Variants in ME3 observed in about 807,000 individuals in gnomAD.
ME3 encodes the protein malic enzyme 3.
Under a neutral mutation model 68.9 loss-of-function variants are expected in ME3, and 48 were observed. That is an observed-to-expected ratio of 0.70 (90% confidence interval 0.55 to 0.89). ME3 has a LOEUF of 0.89. ME3 is among the 40% of genes least tolerant of loss of function. The pLI, the probability that ME3 is intolerant of heterozygous loss-of-function variation, is 0.00. For synonymous variants in ME3, 320 were observed against 318.8 expected (o/e 1.00, Z -0.04); for missense variants, 675 against 797.4 (o/e 0.85, Z 1.85).
chr11:86,489,898 G>A (rs1055798100), intron 6 of ME3, among the ~76,000 whole-genome samples: 7 of 151,908 alleles, frequency 4.6e-5, no homozygotes, highest in African/African-American at 9.7e-5. Flanking sequence ...AGGTCTCATC[G>A]TTTCCCCCAT....
chr11:86,521,402 AAC>A lies in ME3; in HGVS notation c.468-12537_468-12536del, dbSNP rs1491074354. Among the ~76,000 whole-genome samples the A allele has an allele frequency of 2.4e-4, 24 of 100,740 alleles. 1 individual carries two copies. Among genetic ancestry groups the A allele is most frequent in the African/African-American group, 9.7e-4 (21 of 21,674 alleles). 66.1% of individuals were successfully genotyped at this position (100,740 alleles called of 152,430 possible). A position where few individuals can be genotyped will look rare whatever the true frequency, so the allele number is the denominator to read the frequency against. ...AGAGCGAGACTCCATCTCAAAAACA[AAC>A]AAACAAAACAAAACAAAACAAAACA... On this transcript the variant is annotated intron_variant, in intron 4 of 14. Transcript: ENST00000543262.
intron 2 of ME3, among the ~76,000 whole-genome samples, chr11:86,564,997 A>C (rs1957410001): frequency 6.6e-6 from 1 of 152,236 alleles, no homozygotes. Flanking sequence ...CAGCACAACA[A>C]AAAGAAATAT....
chr11:86,527,917 A>G (rs923530154), intron 4 of ME3, among the ~76,000 whole-genome samples: 23 of 152,350 alleles, frequency 1.5e-4, no homozygotes, highest in African/African-American at 5.0e-4. Context: ...AAATGTAGAG[A>G]CCATCGAGGC....
At chr11:86,662,080 C>G (rs1325079327) in intron 2 of ME3, among the ~76,000 whole-genome samples, 1 of 152,120 alleles carries the variant, frequency 6.6e-6, no homozygotes, top group Non-Finnish European at 1.5e-5. Flanking sequence ...GTGAAAAAAG[C>G]TAATCAGAAG....
intron 2 of ME3, among the ~76,000 whole-genome samples, chr11:86,657,535 G>T (rs1176694209): frequency 6.6e-6 from 1 of 152,020 alleles, no homozygotes; most frequent in Admixed American, 6.6e-5. Context: ...TGGGTTGATG[G>T]GTGCAGGAAA....
chr11:86,448,237 G>T, exon 11 of ME3: 1 of 1,614,066 alleles, frequency 6.2e-7, no homozygotes, highest in Non-Finnish European at 8.5e-7. Context: ...TCCTTTTCAT[G>T]GTTCAGGTGG....
chr11:86,557,441 C>T (rs1956989098), intron 3 of ME3, among the ~76,000 whole-genome samples: 1 of 152,116 alleles, frequency 6.6e-6, no homozygotes. Flanking sequence ...GGGGAGAATA[C>T]CAAGGTACTT....
chr11:86,610,577 C>T (rs979384356), intron 2 of ME3, among the ~76,000 whole-genome samples: 2 of 152,120 alleles, frequency 1.3e-5, no homozygotes, highest in African/African-American at 2.4e-5. Context: ...GGAAGCCCAG[C>T]CTGAGCGACT....
chr11:86,580,434 T>C (rs1958375028), intron 2 of ME3, among the ~76,000 whole-genome samples: 1 of 152,350 alleles, frequency 6.6e-6, no homozygotes, highest in East Asian at 1.9e-4. Context: ...TCTAAATTAA[T>C]GCTGATTGAC....
intron 2 of ME3, among the ~76,000 whole-genome samples, chr11:86,601,280 A>G (rs1295300516): frequency 2.0e-5 from 3 of 152,304 alleles, no homozygotes; most frequent in East Asian, 3.9e-4. Flanking sequence ...TATCACCACC[A>G]ATCCCACAGA....
At chr11:86,465,197 A>G in exon 8 of ME3, 1 of 1,611,200 alleles carries the variant, frequency 6.2e-7, no homozygotes, top group Non-Finnish European at 8.5e-7. Flanking sequence ...AATTTATTCC[A>G]AACCTGTGTG....
chr11:86,605,052 C>A (rs1360524110), intron 2 of ME3, among the ~76,000 whole-genome samples: 6 of 152,146 alleles, frequency 3.9e-5, no homozygotes, highest in Admixed American at 2.0e-4. Context: ...CTTTCTGTCT[C>A]TATAGATTTC....
At chr11:86,621,395 A>G (rs919926109) in intron 2 of ME3, among the ~76,000 whole-genome samples, 4 of 150,698 alleles carry the variant, frequency 2.7e-5, no homozygotes, top group African/African-American at 5.0e-5. Context: ...AGTCTTGGCT[A>G]ATTTGTTAGC....
chr11:86,478,931 C>T (rs1394351179), intron 7 of ME3, among the ~76,000 whole-genome samples: 4 of 152,074 alleles, frequency 2.6e-5, no homozygotes, highest in Non-Finnish European at 4.4e-5. Context: ...CAAGGCCTAT[C>T]TTAGTGTGAT....
At chr11:86,607,213 C>A in intron 2 of ME3, among the ~76,000 whole-genome samples, 1 of 152,242 alleles carries the variant, frequency 6.6e-6, no homozygotes, top group East Asian at 1.9e-4. Context: ...TCTGAGTGAT[C>A]TTTCTAACTT....
intron 4 of ME3, among the ~76,000 whole-genome samples, chr11:86,521,431 A>AATAATAATAATAAT (rs1555221579): frequency 1.4e-5 from 2 of 145,924 alleles, no homozygotes; most frequent in Non-Finnish European, 3.0e-5. Context: ...AACAAAACAA[A>AATAATAATAATAAT]AATAATAATA....
At chr11:86,656,052 C>T (rs1396229527) in intron 2 of ME3, among the ~76,000 whole-genome samples, 130 of 151,118 alleles carry the variant, frequency 8.6e-4, no homozygotes, top group African/African-American at 3.1e-3. Context: ...CAATGAGATA[C>T]CATCTCACAC....
In ME3 at chr11:86,619,557, G is replaced by C. The variant is rs991887305; in HGVS notation, c.183+52205C>G. On this transcript the variant is annotated intron_variant, in intron 2 of 14. Coordinates refer to ENST00000543262, the Ensembl canonical transcript of ME3. ...GAGGGGTTTCCCCCATACTGTTCTAGTGGTGGTGAATAAGTCTCATGAGAT... is the reference window on the plus strand; with the variant it reads ...GAGGGGTTTCCCCCATACTGTTCTACTGGTGGTGAATAAGTCTCATGAGAT... 3.9e-5 allele frequency among the ~76,000 whole-genome samples: 6 copies of C among 152,322 alleles called. No individual in the cohort carries two copies. The South Asian group carries it at 8.3e-4, about 21-fold the overall frequency.
chr11:86,606,618 A>C (rs7940587), intron 2 of ME3, among the ~76,000 whole-genome samples: 26,997 of 152,096 alleles, frequency 0.18, 2,737 homozygotes, highest in East Asian at 0.4. Context: ...CCAGATGCTG[A>C]TCAGGACTCA....
Sources: allele counts gnomAD v4.1 joint callset (sites outside exome capture counted in the v4.1 genomes callset), GRCh38; gene constraint gnomAD v4.1.1; transcripts MANE v1.5; gene names NCBI Gene and HGNC (gene_info 2026-07-23, HGNC 2026-07-21).